Variants in ANKRD30A observed in about 807,000 individuals in gnomAD.
ANKRD30A encodes ankyrin repeat domain-containing protein 30A.
Under a neutral mutation model 166.3 loss-of-function variants are expected in ANKRD30A, and 170 were observed. That is an observed-to-expected ratio of 1.02 (90% CI 0.90 to 1.16). The LOEUF (loss-of-function observed/expected upper bound fraction) is 1.16. ANKRD30A is among the 50% of genes most tolerant of loss of function. ANKRD30A has a pLI of 0.00. For missense variants in ANKRD30A, 1,630 were observed against 1,518.0 expected (o/e 1.07, Z -1.23); for synonymous variants, 564 against 508.9 (o/e 1.11, Z -1.46).
At chr10:37,142,815 C>T (rs1385251027) in intron 7 of ANKRD30A, among the ~76,000 whole-genome samples, 1 of 151,916 alleles carries the variant, frequency 6.6e-6, no homozygotes. Flanking sequence ...AAACTCCTGA[C>T]CTCATGATAT....
rs369776914 is a variant in ANKRD30A, at chr10:37,206,805, A to G, written c.2869+5480A>G. On this transcript the variant is annotated intron_variant, in intron 31 of 35. Transcript: ENST00000361713. ...TGAGACTCCCATCTCAAAAAAAATA[A>G]AAATGAAAAAATAAAAATTTCTTAG... Among the ~76,000 whole-genome samples, 8 of 151,094 alleles carry G rather than the reference A, an allele frequency of 5.3e-5. No individual in the cohort carries two copies. In the South Asian group the frequency reaches 1.5e-3, roughly 28 times the overall value.
In ANKRD30A at chr10:37,142,342, A is replaced by G. The variant is rs1837202978; in HGVS notation, c.1393+52A>G. 3 of 1,491,362 alleles carry G rather than the reference A, an allele frequency of 2.0e-6. No individual in the cohort carries two copies. The South Asian group carries it at 4.1e-5, about 20-fold the overall frequency. The allele number at this position is 1,491,362 out of a possible 1,614,324, so 92.4% of individuals were successfully genotyped here. On this transcript the variant is annotated intron_variant, in intron 7 of 35. Coordinates refer to ENST00000361713, the MANE Select transcript of ANKRD30A (RefSeq NM_052997.3). ...GGTTTATTGGCACTTCAGGTTCCCT[A>G]GTGAAAAAAGTGTGATATGGGAGTA...
chr10:37,182,862 C>A (rs1232445543), intron 24 of ANKRD30A, among the ~76,000 whole-genome samples: 1 of 150,606 alleles, frequency 6.6e-6, no homozygotes, highest in African/African-American at 2.4e-5. Flanking sequence ...TCCCAAAGTA[C>A]TGGAATTACA....
intron 31 of ANKRD30A, among the ~76,000 whole-genome samples, chr10:37,210,877 G>T (rs970124210): frequency 1.3e-5 from 2 of 152,124 alleles, no homozygotes; most frequent in African/African-American, 4.8e-5. Context: ...CCCTGTGTCA[G>T]ATGGATAGAT....
At chr10:37,155,962 T>A (rs1305406265) in intron 13 of ANKRD30A, among the ~76,000 whole-genome samples, 1 of 151,878 alleles carries the variant, frequency 6.6e-6, no homozygotes, top group Non-Finnish European at 1.5e-5. Flanking sequence ...GTGCCTGTAG[T>A]CCCAGCTACT....
chr10:37,254,740 G>A, the ANKRD30A span, among the ~76,000 whole-genome samples: 1 of 147,888 alleles, frequency 6.8e-6, no homozygotes, highest in African/African-American at 2.5e-5. Flanking sequence ...CTGGAGTGTG[G>A]TGACTTGATC....
intron 25 of ANKRD30A, among the ~76,000 whole-genome samples, chr10:37,190,450 A>G (rs1267274794): frequency 1.3e-5 from 2 of 151,826 alleles, no homozygotes; most frequent in African/African-American, 2.4e-5. Flanking sequence ...AGAAGAAAGG[A>G]GCAATGCAAT....
chr10:37,216,375 C>A lies in ANKRD30A; in HGVS notation c.3064C>A (p.Gln1022Lys). Residue 1022 changes from glutamine to lysine, a missense_variant, in exon 32 of 36, where the codon CAA (glutamine) becomes AAA (lysine). Gln to Lys is a moderately conservative substitution (Grantham distance 53). Coordinates refer to ENST00000361713, the MANE Select transcript of ANKRD30A (RefSeq NM_052997.3). Reference sequence around the variant, plus strand: ...AGAGAACCAAAAAGTTAAATGGGAACAAGAGCTCTGCAGTGTGAGGTGTGA... The same window carrying A: ...AGAGAACCAAAAAGTTAAATGGGAAAAAGAGCTCTGCAGTGTGAGGTGTGA... The part of the protein sequence containing the change: ...QLENQKVKWE[Q>K]ELCSVRLTLN... 1 of 1,605,406 alleles carries A rather than the reference C, an allele frequency of 6.2e-7. No homozygotes were observed. The highest frequency in any genetic ancestry group is 8.5e-7 in the Non-Finnish European group (1 of 1,175,270).
At chr10:37,243,298 C>CTAT in the ANKRD30A span, among the ~76,000 whole-genome samples, 5 of 137,662 alleles carry the variant, frequency 3.6e-5, no homozygotes, top group Non-Finnish European at 3.1e-5. Flanking sequence ...CCACGCCCAC[C>CTAT]TTTTTTTTTT....
At chr10:37,232,654 T>TTATATATA (rs10559316), downstream of ANKRD30A, 161 of 54,144 alleles carry the variant, frequency 3.0e-3, 3 homozygotes, top group South Asian at 8.9e-3. Context: ...AGCATTGGTT[T>TTATATATA]TATATATATA....
intron 3 of ANKRD30A, among the ~76,000 whole-genome samples, 153 bp downstream of exon 3, chr10:37,130,531 T>C (rs1406577051): frequency 1.3e-5 from 2 of 152,242 alleles, no homozygotes; most frequent in Admixed American, 6.5e-5. Context: ...CTTTAAATAT[T>C]AATGTTTTTA....
chr10:37,158,327 G>GA, intron 13 of ANKRD30A, 65 bp from the exon 14 acceptor site: 1 of 1,553,138 alleles, frequency 6.4e-7, no homozygotes, highest in Non-Finnish European at 8.8e-7. Flanking sequence ...TTCACACTGT[G>GA]TGAATGTTCG....
At chr10:37,150,344 G>A (rs1262839924) in intron 11 of ANKRD30A, among the ~76,000 whole-genome samples, 1 of 151,920 alleles carries the variant, frequency 6.6e-6, no homozygotes, top group Admixed American at 6.6e-5. Context: ...GTCTGCGTGT[G>A]TTCCTGTGTG....
At chr10:37,235,601 TTGGTCTCAAA>T (rs1843635185), downstream of ANKRD30A, among the ~76,000 whole-genome samples, 1 of 152,062 alleles carries the variant, frequency 6.6e-6, no homozygotes, top group Admixed American at 6.6e-5. Context: ...ATTTATCAAA[TTGGTCTCAAA>T]AAGACAAAAG....
intron 1 of ANKRD30A, among the ~76,000 whole-genome samples, chr10:37,127,355 A>G (rs1476499297): frequency 6.6e-6 from 1 of 152,098 alleles, no homozygotes; most frequent in Non-Finnish European, 1.5e-5. Flanking sequence ...ATAAATGCCT[A>G]TTTACACAGA....
At chr10:37,205,032 A>T (rs1053228782) in intron 31 of ANKRD30A, among the ~76,000 whole-genome samples, 3 of 152,174 alleles carry the variant, frequency 2.0e-5, no homozygotes, top group Non-Finnish European at 2.9e-5. Flanking sequence ...ATTGTGGAAG[A>T]CAGTGTGGTG....
At chr10:37,177,047 CAT>C (rs1350890860) in intron 24 of ANKRD30A, among the ~76,000 whole-genome samples, 2 of 128,662 alleles carry the variant, frequency 1.6e-5, no homozygotes, top group Non-Finnish European at 1.7e-5. Context: ...TTAGATGTGA[CAT>C]AATTTTTTTC....
intron 17 of ANKRD30A, among the ~76,000 whole-genome samples, 166 bp downstream of exon 17, chr10:37,163,014 G>C (rs895804695): frequency 6.6e-6 from 1 of 152,064 alleles, no homozygotes; most frequent in African/African-American, 2.4e-5. Context: ...TACAAGCACA[G>C]TAATTTTCAA....
chr10:37,153,780 A>G, intron 13 of ANKRD30A, 118 bp downstream of exon 13: 2 of 1,379,836 alleles, frequency 1.4e-6, no homozygotes, highest in Non-Finnish European at 2.0e-6. Context: ...ATGGAAAAAA[A>G]GAGAAGTGCA....
Sources: allele counts gnomAD v4.1 joint callset (sites outside exome capture counted in the v4.1 genomes callset), GRCh38; gene constraint gnomAD v4.1.1; transcripts MANE v1.5; gene names NCBI Gene and HGNC (gene_info 2026-07-23, HGNC 2026-07-21).